Variants in WWOX observed in about 807,000 individuals in gnomAD.
The protein encoded by WWOX is WW domain containing oxidoreductase.
A neutral mutation model predicts 46.2 loss-of-function variants in WWOX; 69 were observed. The ratio of observed to expected loss-of-function variants is 1.49; its 90% CI spans 1.23 to 1.82. The LOEUF (loss-of-function observed/expected upper bound fraction) is 1.82. WWOX is among the 40% of genes most tolerant of loss of function. WWOX has a pLI of 0.00. For synonymous variants in WWOX, 359 were observed against 202.6 expected (o/e 1.77, Z -6.56); for missense variants, 919 against 542.6 (o/e 1.69, Z -6.89).
At chr16:78,647,669 C>G (rs546636073) in intron 8 of WWOX, among the ~76,000 whole-genome samples, 70 of 152,302 alleles carry the variant, frequency 4.6e-4, no homozygotes, top group African/African-American at 1.6e-3. Context: ...AACATCAGAC[C>G]ATCACCTTCT....
intron 5 of WWOX, among the ~76,000 whole-genome samples, chr16:78,272,693 T>C (rs187955910): frequency 3.8e-4 from 58 of 152,338 alleles, no homozygotes; most frequent in African/African-American, 1.4e-3. Context: ...GGATAGGCAA[T>C]GGGAAATGTT....
chr16:78,833,336 A>C (rs73577472), intron 8 of WWOX, among the ~76,000 whole-genome samples: 1 of 151,760 alleles, frequency 6.6e-6, no homozygotes, highest in African/African-American at 2.4e-5. Flanking sequence ...CTCTTTCTTT[A>C]TACCAGTCCT....
At position 79,115,122 on chromosome 16, in the gene WWOX, C is replaced by T. The variant is rs74034980; in HGVS notation, c.1057-96486C>T. Among the ~76,000 whole-genome samples the T allele has an allele frequency of 8.4e-3, 1,274 of 152,310 alleles. 21 individuals carry two copies. Among genetic ancestry groups the T allele is most frequent in the African/African-American group, 0.029 (1,203 of 41,566 alleles). On this transcript the variant is annotated intron_variant, in intron 8 of 8. Transcript: ENST00000566780. ...TGCCGCCTCCCACCCTGTGCTGCCACGTGGATTTAACTCCTTCGTGTTCCC... is the reference window on the plus strand; with the variant it reads ...TGCCGCCTCCCACCCTGTGCTGCCATGTGGATTTAACTCCTTCGTGTTCCC...
chr16:78,542,549 C>T (rs1050192757), intron 8 of WWOX, among the ~76,000 whole-genome samples: 4 of 152,064 alleles, frequency 2.6e-5, no homozygotes, highest in African/African-American at 4.8e-5. Flanking sequence ...CAACAGAAGC[C>T]GATGTGCAGA....
intron 6 of WWOX, 63 bp downstream of exon 6, chr16:78,387,011 TG>T: frequency 2.7e-6 from 4 of 1,494,256 alleles, no homozygotes; most frequent in Non-Finnish European, 3.7e-6. Context: ...CTTTATCAGA[TG>T]AACACAATTG....
intron 5 of WWOX, among the ~76,000 whole-genome samples, chr16:78,372,037 T>C (rs189072220): frequency 6.6e-6 from 1 of 152,272 alleles, no homozygotes; most frequent in East Asian, 1.9e-4. Flanking sequence ...AGATTTATAT[T>C]CCACTGGCCA....
intron 8 of WWOX, among the ~76,000 whole-genome samples, chr16:78,594,316 C>A (rs2045425348): frequency 6.6e-6 from 1 of 151,218 alleles, no homozygotes. Context: ...TTTTTGTTTT[C>A]AGCAATACTC....
At chr16:78,536,981 A>G (rs111947710) in intron 8 of WWOX, among the ~76,000 whole-genome samples, 1 of 150,620 alleles carries the variant, frequency 6.6e-6, no homozygotes, top group African/African-American at 2.5e-5. Context: ...CAGTGGCACA[A>G]TCTCAACTGA....
chr16:78,938,172 C>A (rs1208100550), intron 8 of WWOX, among the ~76,000 whole-genome samples: 1 of 152,164 alleles, frequency 6.6e-6, no homozygotes, highest in Non-Finnish European at 1.5e-5. Context: ...GGGAAAGACA[C>A]AGGATGGCTG....
At chr16:78,585,687 GT>G (rs371070766) in intron 8 of WWOX, among the ~76,000 whole-genome samples, 19,760 of 140,666 alleles carry the variant, frequency 0.14, 2,084 homozygotes, top group African/African-American at 0.29. Flanking sequence ...TTTTTTTTTT[GT>G]TTTTTTTTGT....
Position 78,833,302 on chromosome 16 carries a change from C to G in WWOX, c.1057-378306C>G, listed in dbSNP as rs549159167. ...CTTCAAGCAGTCCTCTCACCTCATTCTCTCAAAGCACTGGGATGACAAGCT... is the reference window on the plus strand; with the variant it reads ...CTTCAAGCAGTCCTCTCACCTCATTGTCTCAAAGCACTGGGATGACAAGCT... On this transcript the variant is annotated intron_variant, in intron 8 of 8. Coordinates refer to ENST00000566780, the MANE Select transcript of WWOX (RefSeq NM_016373.4). Among the ~76,000 whole-genome samples, 10 of 152,252 alleles carry G rather than the reference C, an allele frequency of 6.6e-5. No individual in the cohort carries two copies. In the East Asian group the frequency reaches 1.6e-3, roughly 24 times the overall value.
At chr16:79,190,207 T>A (rs977376890) in intron 8 of WWOX, among the ~76,000 whole-genome samples, 2 of 152,040 alleles carry the variant, frequency 1.3e-5, no homozygotes, top group African/African-American at 4.8e-5. Context: ...GTATTTTTAG[T>A]AAAGACAGGG....
intron 8 of WWOX, among the ~76,000 whole-genome samples, chr16:78,444,331 T>C (rs1334949253): frequency 6.6e-6 from 1 of 152,060 alleles, no homozygotes; most frequent in Non-Finnish European, 1.5e-5. Context: ...AATGAATCAG[T>C]TAACCAAGAA....
At chr16:78,914,693 C>A (rs2045201555) in intron 8 of WWOX, among the ~76,000 whole-genome samples, 1 of 151,634 alleles carries the variant, frequency 6.6e-6, no homozygotes, top group Admixed American at 6.6e-5. Flanking sequence ...TCCTGGCTAA[C>A]ACGGTGAAAC....
chr16:78,769,527 C>A (rs1407309589), intron 8 of WWOX, among the ~76,000 whole-genome samples: 1 of 140,170 alleles, frequency 7.1e-6, no homozygotes, highest in African/African-American at 2.7e-5. Flanking sequence ...ACCCACCCCC[C>A]ACATTATTTA....
At chr16:78,342,581 C>G (rs1190904856) in intron 5 of WWOX, among the ~76,000 whole-genome samples, 1 of 120,312 alleles carries the variant, frequency 8.3e-6, no homozygotes, top group East Asian at 1.9e-4. Flanking sequence ...TGGGAGAGCA[C>G]TAAAGGTCTC....
intron 5 of WWOX, among the ~76,000 whole-genome samples, chr16:78,224,667 C>T (rs895092209): frequency 3.9e-5 from 6 of 152,106 alleles, no homozygotes; most frequent in Admixed American, 6.5e-5. Flanking sequence ...TTCCTTGGTG[C>T]GCTTGGAAGT....
intron 8 of WWOX, among the ~76,000 whole-genome samples, chr16:78,834,179 C>T (rs959271615): frequency 6.6e-6 from 1 of 152,166 alleles, no homozygotes; most frequent in African/African-American, 2.4e-5. Flanking sequence ...TTCCCTTCTT[C>T]TCATAAATCT....
chr16:79,168,491 A>G (rs1024854002), intron 8 of WWOX, among the ~76,000 whole-genome samples: 1 of 152,174 alleles, frequency 6.6e-6, no homozygotes, highest in African/African-American at 2.4e-5. Context: ...CAACTGAAAT[A>G]TCTGGCAGGC....
Sources: allele counts gnomAD v4.1 joint callset (sites outside exome capture counted in the v4.1 genomes callset), GRCh38; gene constraint gnomAD v4.1.1; transcripts MANE v1.5; gene names NCBI Gene and HGNC (gene_info 2026-07-23, HGNC 2026-07-21).